Variants in ZYG11B observed in about 807,000 individuals in gnomAD.
ZYG11B encodes zyg-11 family member B, cell cycle regulator.
ZYG11B carries 36 observed loss-of-function variants against 82.4 expected under a neutral mutation model. The ratio of observed to expected loss-of-function variants is 0.44; its 90% CI spans 0.33 to 0.58. ZYG11B has a LOEUF of 0.58. Among genes scored for constraint, ZYG11B ranks in the 20% least tolerant of loss-of-function variants. The pLI is 0.02. For missense variants in ZYG11B, 552 were observed against 895.6 expected (o/e 0.62, Z 4.90); for synonymous variants, 303 against 312.8 (o/e 0.97, Z 0.33).
In ZYG11B at chr1:52,772,578, G is replaced by A. The variant is rs912590376; in HGVS notation, c.951+804G>A. ...GTCGTCAGATGTCAACTTCAACCAA[G>A]TGGGGAAGCTGCGTCGATAGGGTAA... On this transcript the variant is annotated intron_variant, in intron 3 of 13. Coordinates refer to ENST00000294353, the MANE Select transcript of ZYG11B (RefSeq NM_024646.3). 17 of 1,584,870 alleles carry A rather than the reference G, an allele frequency of 1.1e-5. No homozygotes were observed. The Middle Eastern group carries it at 5.1e-4, about 48-fold the overall frequency.
chr1:52,790,843 A>G (rs938983084), intron 6 of ZYG11B, among the ~76,000 whole-genome samples: 3 of 149,398 alleles, frequency 2.0e-5, no homozygotes, highest in Admixed American at 1.3e-4. Flanking sequence ...TATGGAAGAA[A>G]CTTTTTAAGG....
At chr1:52,774,939 T>C (rs1644791634) in intron 3 of ZYG11B, among the ~76,000 whole-genome samples, 1 of 152,174 alleles carries the variant, frequency 6.6e-6, no homozygotes, top group South Asian at 2.1e-4. Context: ...CATGAGAACA[T>C]TGAAAATCTG....
chr1:52,773,769 A>T (rs1282945909), intron 3 of ZYG11B, among the ~76,000 whole-genome samples: 1 of 147,458 alleles, frequency 6.8e-6, no homozygotes, highest in Non-Finnish European at 1.5e-5. Flanking sequence ...CAGTCTCCCA[A>T]GTAGCTGGGA....
At chr1:52,757,545 C>T (rs764018471) in intron 2 of ZYG11B, among the ~76,000 whole-genome samples, 2 of 151,848 alleles carry the variant, frequency 1.3e-5, no homozygotes, top group Admixed American at 1.3e-4. Flanking sequence ...TGTGGCAATA[C>T]GTGCCTATAA....
rs1169330836 is a variant in ZYG11B, at chr1:52,823,041, C to T, written c.*1412C>T. On this transcript the variant is annotated 3_prime_UTR_variant, in exon 14 of 14. Coordinates refer to ENST00000294353, the MANE Select transcript of ZYG11B (RefSeq NM_024646.3). ...AGAAGCATTTTAATTTAGAAAGGAG[C>T]TGGTTTGTTAGTTCACTGATGACAT... The T allele has an allele frequency of 6.6e-6, 1 of 152,078 alleles. No homozygotes were observed. Among genetic ancestry groups the T allele is most frequent in the Non-Finnish European group, 1.5e-5 (1 of 68,026 alleles). 9.4% of individuals were successfully genotyped at this position (152,078 alleles called of 1,614,324 possible). A position where few individuals can be genotyped will look rare whatever the true frequency, so the allele number is the denominator to read the frequency against.
At chr1:52,729,841 C>A (rs1644315479) in intron 1 of ZYG11B, among the ~76,000 whole-genome samples, 1 of 151,968 alleles carries the variant, frequency 6.6e-6, no homozygotes, top group Non-Finnish European at 1.5e-5. Flanking sequence ...CAGGGTCTTG[C>A]TCTGTCCCTA....
chr1:52,740,270 A>G (rs1644412752), intron 1 of ZYG11B, among the ~76,000 whole-genome samples: 1 of 152,210 alleles, frequency 6.6e-6, no homozygotes, highest in South Asian at 2.1e-4. Context: ...CGTTAGATGA[A>G]AGAGCAGGGC....
At chr1:52,760,760 C>CTTTT (rs35437248) in intron 2 of ZYG11B, among the ~76,000 whole-genome samples, 1 of 104,632 alleles carries the variant, frequency 9.6e-6, no homozygotes, top group Admixed American at 1.1e-4. Flanking sequence ...GCCTGGCCTA[C>CTTTT]TTTTTTTTTT....
rs763119354 is a variant in ZYG11B, at chr1:52,816,648, G to T, written c.2044+19G>T. 6.5e-7 allele frequency: 1 copy of T among 1,527,274 alleles called. No homozygotes were observed. Among genetic ancestry groups the T allele is most frequent in the African/African-American group, 1.4e-5 (1 of 71,912 alleles). The allele number at this position is 1,527,274 out of a possible 1,614,324, so 94.6% of individuals were successfully genotyped here. ...AAGAATCGTATGTACCAAAAAAAAA[G>T]AACTGTGTTTTTTTTCTTTAAGTGA... is the stretch of plus-strand genomic sequence containing the variant. On this transcript the variant is annotated intron_variant, in intron 13 of 13. Coordinates refer to ENST00000294353, the MANE Select transcript of ZYG11B (RefSeq NM_024646.3).
chr1:52,813,719 C>G lies in ZYG11B; in HGVS notation c.1879C>G (p.Leu627Val). 6.2e-7 allele frequency: 1 copy of G among 1,614,132 alleles called. No individual in the cohort carries two copies. The highest frequency in any genetic ancestry group is 1.1e-5 in the South Asian group (1 of 91,080). Residue 627 changes from leucine (L) to valine (V), a missense_variant, in exon 11 of 14, where the codon CTG becomes GTG. Around this residue, in one of 3 missense-constraint regions of ZYG11B, gnomAD observed 127 missense variants for 163.4 expected, o/e 0.78. Coordinates refer to ENST00000294353, the MANE Select transcript of ZYG11B (RefSeq NM_024646.3). Reference sequence around the variant, plus strand: ...ATTGAGTCGTAGCCAGAGGAATTCTCTGCTGGATGATTTGGTAGGGTCATT... The same window carrying G: ...ATTGAGTCGTAGCCAGAGGAATTCTGTGCTGGATGATTTGGTAGGGTCATT... ...WTLSRSQRNS[L>V]LDDLHSAILK...
At chr1:52,768,802 C>T (rs1031176476) in intron 2 of ZYG11B, among the ~76,000 whole-genome samples, 8 of 152,092 alleles carry the variant, frequency 5.3e-5, no homozygotes, top group Admixed American at 2.6e-4. Flanking sequence ...CCACGTTGGC[C>T]AGGCTGGTCT....
chr1:52,812,027 T>TA (rs879417845), intron 10 of ZYG11B, among the ~76,000 whole-genome samples: 41 of 146,568 alleles, frequency 2.8e-4, no homozygotes, highest in Admixed American at 3.4e-4. Context: ...AGACTCCATC[T>TA]AAAAAAAAAA....
chr1:52,795,121 G>A (rs903178306), intron 6 of ZYG11B, among the ~76,000 whole-genome samples: 26 of 152,180 alleles, frequency 1.7e-4, no homozygotes, highest in African/African-American at 5.5e-4. Flanking sequence ...CAGTGCTGGA[G>A]GTGGGGCCTG....
intron 1 of ZYG11B, among the ~76,000 whole-genome samples, chr1:52,731,935 C>T (rs1215527395): frequency 6.6e-6 from 1 of 152,174 alleles, no homozygotes; most frequent in African/African-American, 2.4e-5. Flanking sequence ...ACTCAAGCAG[C>T]TGGGACTACA....
Position 52,782,788 on chromosome 1 carries a change from T to TA in ZYG11B, c.1093-2082dup, listed in dbSNP as rs554015822. 1.1e-4 allele frequency among the ~76,000 whole-genome samples: 17 copies of TA among 151,988 alleles called. No homozygotes were observed. The East Asian group carries it at 2.9e-3, about 26-fold the overall frequency. Reference sequence around the variant, plus strand: ...CACACTATGTTACACAGGCTAATTTTAAAAAAATTTTTTGTAGAGGCAGGT... The same window carrying TA: ...CACACTATGTTACACAGGCTAATTTTAAAAAAAATTTTTTGTAGAGGCAGGT... On this transcript the variant is annotated intron_variant, in intron 4 of 13. Transcript: ENST00000294353.
chr1:52,739,036 C>T (rs977700926), intron 1 of ZYG11B, among the ~76,000 whole-genome samples: 28 of 132,824 alleles, frequency 2.1e-4, no homozygotes, highest in Non-Finnish European at 3.3e-4. Context: ...GGCTGGAGCG[C>T]AGTGACACGA....
At chr1:52,756,398 T>C in intron 1 of ZYG11B, 60 bp from the exon 2 acceptor site, 2 of 1,529,036 alleles carry the variant, frequency 1.3e-6, no homozygotes, top group Middle Eastern at 1.8e-4. Context: ...GTTCTCTGCT[T>C]TTCTGGAAAC....
rs1209985077 is a variant in ZYG11B at position 52,726,875 on chromosome 1, C to T, written c.30+192C>T. 2.0e-5 allele frequency among the ~76,000 whole-genome samples: 3 copies of T among 152,192 alleles called. No individual in the cohort carries two copies. In the East Asian group the frequency reaches 5.8e-4, roughly 29 times the overall value. On this transcript the variant is annotated intron_variant, in intron 1 of 13. Coordinates refer to ENST00000294353, the MANE Select transcript of ZYG11B (RefSeq NM_024646.3). ...CCCATTCACCTGCTTCGGTGAACCC[C>T]TTTAGGTGACACCCCCTGAATCTCC...
intron 10 of ZYG11B, among the ~76,000 whole-genome samples, chr1:52,804,272 A>C (rs895803259): frequency 7.9e-5 from 12 of 151,984 alleles, no homozygotes; most frequent in Non-Finnish European, 1.3e-4. Context: ...TTAACCTACA[A>C]GTGTTCTTAG....
Sources: allele counts gnomAD v4.1 joint callset (sites outside exome capture counted in the v4.1 genomes callset), GRCh38; gene constraint gnomAD v4.1.1; regional missense constraint gnomAD v4.1.1; transcripts MANE v1.5; gene names NCBI Gene and HGNC (gene_info 2026-07-23, HGNC 2026-07-21).